Variants in WT1 observed in about 807,000 individuals in gnomAD.
The protein encoded by WT1 is WT1 transcription factor, also known as Wilms tumor protein.
Under a neutral mutation model 60.8 loss-of-function variants are expected in WT1, and 8 were observed. The ratio of observed to expected loss-of-function variants is 0.13; its 90% CI spans 0.08 to 0.24. The LOEUF is 0.24. Among genes scored for constraint, WT1 ranks in the 10% least tolerant of loss-of-function variants. The probability of loss-of-function intolerance (pLI) is 1.00; values close to 1 mark genes in which losing one functional copy is unlikely to be tolerated. For synonymous variants in WT1, 312 were observed against 297.1 expected, an observed-to-expected ratio of 1.05 and a Z score of -0.52; for missense variants, 568 against 711.8, an observed-to-expected ratio of 0.80 and a Z score of 2.30.
At chr11:32,403,736 G>A (rs142146439) in intron 5 of WT1, among the ~76,000 whole-genome samples, 1,520 of 151,808 alleles carry the variant, frequency 0.01, 26 homozygotes, top group African/African-American at 0.035. Flanking sequence ...CACCACGCCC[G>A]GCTAATTTTT....
At chr11:32,393,360 A>T (rs1045173070) in intron 7 of WT1, among the ~76,000 whole-genome samples, 2 of 152,240 alleles carry the variant, frequency 1.3e-5, no homozygotes, top group African/African-American at 4.8e-5. Context: ...AAGAGAAGTC[A>T]GTAGTGGGAT....
At chr11:32,415,080 C>T (rs1373546582) in intron 5 of WT1, among the ~76,000 whole-genome samples, 1 of 152,088 alleles carries the variant, frequency 6.6e-6, no homozygotes, top group Non-Finnish European at 1.5e-5. Context: ...TAAAAAGTAT[C>T]GAAATTATCT....
At chr11:32,400,092 C>A in intron 5 of WT1, 48 bp from the exon 6 acceptor site, 1 of 1,599,750 alleles carries the variant, frequency 6.3e-7, no homozygotes, top group South Asian at 1.1e-5. Context: ...TCACAGTCGC[C>A]ATTTGGAAAT....
chr11:32,416,654 G>C, intron 4 of WT1, 114 bp from the exon 5 acceptor site: 1 of 1,319,228 alleles, frequency 7.6e-7, no homozygotes, highest in Non-Finnish European at 1.1e-6. Flanking sequence ...CATCAAGCTA[G>C]CTATCAAGAG....
chr11:32,391,905 T>C, intron 9 of WT1, 67 bp downstream of exon 9: 1 of 1,525,222 alleles, frequency 6.6e-7, no homozygotes, highest in Non-Finnish European at 9.1e-7. Flanking sequence ...ATCCCTCTCA[T>C]CACAATTTCA....
At chr11:32,411,166 C>G (rs1425166245) in intron 5 of WT1, among the ~76,000 whole-genome samples, 1 of 151,966 alleles carries the variant, frequency 6.6e-6, no homozygotes, top group African/African-American at 2.4e-5. Context: ...CCAACTTGGC[C>G]CCTTCTCCAT....
At chr11:32,416,263 T>A (rs1852665236) in intron 5 of WT1, among the ~76,000 whole-genome samples, 1 of 152,134 alleles carries the variant, frequency 6.6e-6, no homozygotes, top group Non-Finnish European at 1.5e-5. Context: ...TGCATAATTT[T>A]TTACATTGTT....
At chr11:32,408,556 A>AAAAAAAAAAG (rs1852398531) in intron 5 of WT1, among the ~76,000 whole-genome samples, 1 of 150,700 alleles carries the variant, frequency 6.6e-6, no homozygotes, top group African/African-American at 2.4e-5. Context: ...AAGAAAGAAA[A>AAAAAAAAAAG]AAGAAAAGAA....
At chr11:32,409,953 G>T (rs1852443615) in intron 5 of WT1, among the ~76,000 whole-genome samples, 2 of 151,764 alleles carry the variant, frequency 1.3e-5, no homozygotes, top group African/African-American at 4.8e-5. Flanking sequence ...TTGAGACAGA[G>T]TCTTGTTCTG....
Position 32,391,271 on chromosome 11 carries a change from C to T in WT1, c.1447+701G>A, listed in dbSNP as rs754224497. On this transcript the variant is annotated intron_variant, in intron 9 of 9. Coordinates refer to ENST00000452863, the MANE Select transcript of WT1 (RefSeq NM_024426.6). The stretch of plus-strand genomic sequence containing the variant: ...AGCTGGGATTACAGGCATGAGCCAC[C>T]ACAGCCGGTCCTACCTTACTCTACT... Among the ~76,000 whole-genome samples, 37 of 152,188 alleles carry T rather than the reference C, an allele frequency of 2.4e-4. 1 individual carries two copies. The highest frequency in any genetic ancestry group is 4.6e-4 in the Non-Finnish European group (31 of 68,036).
In WT1 at chr11:32,435,290, C is replaced by T. The variant is rs1330792627; in HGVS notation, c.71G>A (p.Arg24His). The change falls in exon 1 of 10, where the codon CGC becomes CAC. Residue 24 changes from arginine to histidine, a missense_variant. Arg to His is a conservative substitution (Grantham distance 29, BLOSUM62 0). Coordinates refer to ENST00000452863, the MANE Select transcript of WT1 (RefSeq NM_024426.6). ...CTGCTGTAGGCACCCAGGCCCGGAG[C>T]GGAGCGTGTGCTGAGACGCCGGCTC... is the stretch of plus-strand genomic sequence containing the variant. The T allele has an allele frequency of 5.2e-6, 8 of 1,533,580 alleles. No homozygotes were observed. The highest frequency in any genetic ancestry group is 2.0e-5 in the Admixed American group (1 of 50,982). The allele number at this position is 1,533,580 out of a possible 1,614,324, so 95.0% of individuals were successfully genotyped here. A position where few individuals can be genotyped will look rare whatever the true frequency, so the allele number is the denominator to read the frequency against.
chr11:32,394,212 C>A (rs1372666665), intron 7 of WT1, among the ~76,000 whole-genome samples: 1 of 152,132 alleles, frequency 6.6e-6, no homozygotes, highest in Non-Finnish European at 1.5e-5. Context: ...GTATTTGTAT[C>A]CAGGTTGGTG....
In WT1 at chr11:32,434,894, G is replaced by A. The variant is rs1225927150; in HGVS notation, c.467C>T (p.Pro156Leu). The change falls in exon 1 of 10, where the codon CCG becomes CTG. Residue 156 changes from proline to leucine, a missense_variant. Physicochemically the swap from Pro to Leu is moderately conservative, Grantham distance 98. Around this residue, in one of 3 missense-constraint regions of WT1, gnomAD observed 523 missense variants for 565.1 expected, o/e 0.93. Transcript: ENST00000452863. Reference sequence around the variant, plus strand: ...GGCGCTCAGGCACTGCTCCTCGTGCGGCTCCGCGCCGCCCCAGCTCGGCTC... The same window carrying A: ...GGCGCTCAGGCACTGCTCCTCGTGCAGCTCCGCGCCGCCCCAGCTCGGCTC... The A allele has an allele frequency of 6.2e-7, 1 of 1,611,758 alleles. No homozygotes were observed.
At chr11:32,404,269 A>G (rs904669462) in intron 5 of WT1, among the ~76,000 whole-genome samples, 1 of 48,080 alleles carries the variant, frequency 2.1e-5, no homozygotes, top group Non-Finnish European at 3.3e-5. Context: ...ACTCTGTCTC[A>G]AAAAAAAAAA....
chr11:32,424,902 G>A (rs927292787), intron 3 of WT1, among the ~76,000 whole-genome samples: 4 of 152,180 alleles, frequency 2.6e-5, no homozygotes, highest in Non-Finnish European at 4.4e-5. Context: ...AAGAGGCCCA[G>A]CACAGCGGCT....
In WT1 at chr11:32,435,426, T is replaced by C; in HGVS notation, c.-66A>G. 5.2e-5 allele frequency: 1 copy of C among 19,196 alleles called. No individual in the cohort carries two copies. Among genetic ancestry groups the C allele is most frequent in the South Asian group, 4.5e-4 (1 of 2,234 alleles). The allele number at this position is 19,196 out of a possible 1,614,324, so 1.2% of individuals were successfully genotyped here. On this transcript the variant is annotated 5_prime_UTR_variant, in exon 1 of 10. Transcript: ENST00000452863. ...GCCGTCCCGGCTCTGGGTGGGTGGG[T>C]GGGTGAATGAGTAGGTGGGAGGGAG...
intron 9 of WT1, 108 bp from the exon 10 acceptor site, chr11:32,389,287 C>T (rs1258136996): frequency 1.5e-5 from 24 of 1,583,528 alleles, no homozygotes; most frequent in Middle Eastern, 1.7e-4. Context: ...CTGAATTTCC[C>T]ATCATTCTGT....
chr11:32,430,918 T>G lies in WT1; in HGVS notation c.662-2299A>C, dbSNP rs192410368. On this transcript the variant is annotated intron_variant, in intron 1 of 9. Transcript: ENST00000452863. ...CCAGCGCTTGGCCTGGCGCGGAGAG[T>G]GCGGGGGCAGGGGCCAGGGGAGGTA... 9,502 of 1,071,638 alleles carry G rather than the reference T, an allele frequency of 8.9e-3. 64 individuals carry two copies. The highest frequency in any genetic ancestry group is 0.01 in the Non-Finnish European group (9,041 of 873,194). The allele number at this position is 1,071,638 out of a possible 1,614,324, so 66.4% of individuals were successfully genotyped here.
At chr11:32,398,304 A>G (rs771003604) in intron 6 of WT1, among the ~76,000 whole-genome samples, 2 of 152,180 alleles carry the variant, frequency 1.3e-5, no homozygotes, top group Non-Finnish European at 2.9e-5. Context: ...TGGTGAAAGT[A>G]TCACTGCTGT....
Sources: allele counts gnomAD v4.1 joint callset (sites outside exome capture counted in the v4.1 genomes callset), GRCh38; gene constraint gnomAD v4.1.1; regional missense constraint gnomAD v4.1.1; transcripts MANE v1.5; gene names NCBI Gene and HGNC (gene_info 2026-07-23, HGNC 2026-07-21).